The following CHRM3 variants were observed in gnomAD, a reference collection of about 807,000 sequenced individuals.
The protein encoded by CHRM3 is muscarinic acetylcholine receptor M3.
In CHRM3, 11 loss-of-function variants were observed where a neutral mutation model predicts 41.8. The observed-to-expected ratio is 0.26, with a 90% confidence interval of 0.17 to 0.44. The LOEUF (loss-of-function observed/expected upper bound fraction) is 0.44, where lower values mean the gene tolerates loss of function less well. CHRM3 is among the 20% of genes least tolerant of loss of function. CHRM3 has a pLI of 1.00. For synonymous variants in CHRM3, 297 were observed against 301.4 expected, an observed-to-expected ratio of 0.99 and a Z score of 0.15; for missense variants, 571 against 745.4, an observed-to-expected ratio of 0.77 and a Z score of 2.72.
intron 6 of CHRM3, among the ~76,000 whole-genome samples, chr1:239,841,308 G>A (rs907085856): frequency 2.0e-5 from 3 of 152,276 alleles, no homozygotes; most frequent in Admixed American, 6.5e-5. Flanking sequence ...CTGTGAGCTA[G>A]TATGCTCTGG....
At position 239,839,844 on chromosome 1, in the gene CHRM3, T is replaced by C. The variant is rs557557702; in HGVS notation, c.-20+12466T>C. ...GGAGAAGTACTTTTGCATAAAGCAC[T>C]GAGAGCTGGAGTAGAAGTGAAGGAA... On this transcript the variant is annotated intron_variant, in intron 6 of 6. Coordinates refer to ENST00000676153, the MANE Select transcript of CHRM3 (RefSeq NM_001375978.1). Among the ~76,000 whole-genome samples the C allele has an allele frequency of 3.3e-5, 5 of 151,902 alleles. No individual in the cohort carries two copies. In the East Asian group the frequency reaches 9.7e-4, roughly 29 times the overall value.
chr1:239,719,384 A>G (rs973849064), intron 5 of CHRM3, among the ~76,000 whole-genome samples: 5 of 151,974 alleles, frequency 3.3e-5, no homozygotes, highest in African/African-American at 1.2e-4. Context: ...AATTCAGCAA[A>G]TATTTGTTTT....
chr1:239,896,532 T>C (rs1177912814), intron 6 of CHRM3, among the ~76,000 whole-genome samples: 2 of 152,210 alleles, frequency 1.3e-5, no homozygotes, highest in Non-Finnish European at 2.9e-5. Flanking sequence ...TCCAGAGAAG[T>C]GGGACCTGAT....
At chr1:239,904,113 A>G (rs1161430943) in intron 6 of CHRM3, among the ~76,000 whole-genome samples, 1 of 152,226 alleles carries the variant, frequency 6.6e-6, no homozygotes, top group African/African-American at 2.4e-5. Flanking sequence ...GCTACAGGAC[A>G]TGATTACCTC....
chr1:239,431,349 G>T (rs955221840), intron 1 of CHRM3, among the ~76,000 whole-genome samples: 2 of 152,028 alleles, frequency 1.3e-5, no homozygotes, highest in Non-Finnish European at 2.9e-5. Context: ...GCAGGAAAAA[G>T]ATTTTTAAAG....
intron 4 of CHRM3, among the ~76,000 whole-genome samples, chr1:239,666,439 A>G (rs1288989106): frequency 2.0e-5 from 3 of 151,488 alleles, no homozygotes; most frequent in African/African-American, 7.3e-5. Context: ...TGATCTGCCC[A>G]CCTTGGCCTC....
At chr1:239,638,252 A>G (rs1455696688) in intron 4 of CHRM3, among the ~76,000 whole-genome samples, 2 of 151,364 alleles carry the variant, frequency 1.3e-5, no homozygotes, top group Non-Finnish European at 2.9e-5. Context: ...TAGCAGCATG[A>G]TTTATAGTCC....
chr1:239,879,401 C>T (rs1309554524), intron 6 of CHRM3, among the ~76,000 whole-genome samples: 4 of 152,216 alleles, frequency 2.6e-5, no homozygotes, highest in South Asian at 2.1e-4. Flanking sequence ...ATCATTAGAA[C>T]GGCCTGTGCT....
At chr1:239,613,168 G>A (rs921063028) in intron 3 of CHRM3, among the ~76,000 whole-genome samples, 1 of 152,146 alleles carries the variant, frequency 6.6e-6, no homozygotes, top group Non-Finnish European at 1.5e-5. Flanking sequence ...CCTAAGCAGC[G>A]AAGTGAAGAG....
At chr1:239,819,469 C>A (rs1243521700) in intron 5 of CHRM3, among the ~76,000 whole-genome samples, 1 of 152,218 alleles carries the variant, frequency 6.6e-6, no homozygotes, top group Non-Finnish European at 1.5e-5. Flanking sequence ...TATCTGACCT[C>A]AATTTCCTAT....
At chr1:239,841,237 A>AAT in intron 6 of CHRM3, among the ~76,000 whole-genome samples, 1 of 152,350 alleles carries the variant, frequency 6.6e-6, no homozygotes, top group South Asian at 2.1e-4. Context: ...TCTTTCCTTG[A>AAT]ATAATAGCAA....
chr1:239,623,125 T>G (rs1208323835), intron 3 of CHRM3, among the ~76,000 whole-genome samples: 1 of 152,174 alleles, frequency 6.6e-6, no homozygotes, highest in Non-Finnish European at 1.5e-5. Context: ...AGGTTTTTTT[T>G]TATTATACTT....
rs776959114 is a variant in CHRM3, at chr1:239,908,753, C to G, written c.1302C>G (p.Ala434=). ...FSKLPIQLES[A]VDTAKTSDVN... is the part of the protein sequence containing the mutation. Reference sequence around the variant, plus strand: ...AGCTTCCCATCCAGCTAGAGTCAGCCGTGGACACAGCTAAGACTTCTGACG... The same window carrying G: ...AGCTTCCCATCCAGCTAGAGTCAGCGGTGGACACAGCTAAGACTTCTGACG... The change falls in exon 7 of 7, where the codon GCC becomes GCG. Residue 434 remains alanine, a synonymous_variant. Coordinates refer to ENST00000676153, the MANE Select transcript of CHRM3 (RefSeq NM_001375978.1). The surrounding 1 kb of genome is among the most constrained non-coding windows in gnomAD (Gnocchi z 7.2). 5.6e-6 allele frequency: 9 copies of G among 1,613,844 alleles called. No individual in the cohort carries two copies. Among genetic ancestry groups the G allele is most frequent in the Non-Finnish European group, 7.6e-6 (9 of 1,179,920 alleles).
At chr1:239,872,323 C>T (rs994798000) in intron 6 of CHRM3, among the ~76,000 whole-genome samples, 4 of 152,216 alleles carry the variant, frequency 2.6e-5, no homozygotes, top group Non-Finnish European at 5.9e-5. Flanking sequence ...AGGTGATGAA[C>T]TTTAATATCC....
chr1:239,599,632 C>A (rs1358538829), intron 3 of CHRM3, among the ~76,000 whole-genome samples: 3 of 152,140 alleles, frequency 2.0e-5, no homozygotes, highest in East Asian at 3.9e-4. Context: ...ACCCATTGTA[C>A]AAGGAAAATA....
chr1:239,405,079 G>A (rs967285481), intron 1 of CHRM3, among the ~76,000 whole-genome samples: 13 of 152,016 alleles, frequency 8.6e-5, no homozygotes, highest in African/African-American at 3.1e-4. Context: ...TTGCCCATCC[G>A]TTAGGGGACA....
At chr1:239,830,405 G>A (rs1221497259) in intron 6 of CHRM3, among the ~76,000 whole-genome samples, 2 of 152,154 alleles carry the variant, frequency 1.3e-5, no homozygotes, top group Non-Finnish European at 2.9e-5. Context: ...GAACACACAT[G>A]GATAAGAGTT....
At chr1:239,480,212 G>C (rs756831823) in intron 1 of CHRM3, among the ~76,000 whole-genome samples, 30 of 152,100 alleles carry the variant, frequency 2.0e-4, no homozygotes, top group Non-Finnish European at 3.4e-4. Context: ...ACTGAAGAAA[G>C]TGATTTATGC....
chr1:239,487,983 A>G (rs1007577936), intron 1 of CHRM3, among the ~76,000 whole-genome samples: 2 of 152,190 alleles, frequency 1.3e-5, no homozygotes, highest in Non-Finnish European at 2.9e-5. Flanking sequence ...GTCAGTAATC[A>G]TGTAAAACTC....
Sources: gnomAD v4.1 joint callset for allele counts (sites outside exome capture counted in the v4.1 genomes callset) on GRCh38, gnomAD v4.1.1 for gene constraint, Gnocchi (gnomAD v3.1) non-coding constraint, MANE v1.5 for transcripts, NCBI Gene and HGNC (gene_info 2026-07-23, HGNC 2026-07-21) for gene names.